SLC12A5: variants seen among roughly 807,000 people sequenced by gnomAD.
The protein encoded by SLC12A5 is solute carrier family 12 member 5.
Under a neutral mutation model 124.0 loss-of-function variants are expected in SLC12A5, and 18 were observed. The ratio of observed to expected loss-of-function variants is 0.15; its 90% CI spans 0.10 to 0.22. SLC12A5 has a LOEUF of 0.22. SLC12A5 is among the 10% of genes least tolerant of loss of function. The pLI, the probability that SLC12A5 is intolerant of heterozygous loss-of-function variation, is 1.00. For missense variants in SLC12A5, 867 were observed against 1,478.7 expected (o/e 0.59, Z 6.78); for synonymous variants, 589 against 568.0 (o/e 1.04, Z -0.53).
At chr20:46,021,820 C>T, upstream of SLC12A5, 5 of 1,534,666 alleles carry the variant, frequency 3.3e-6, no homozygotes, top group Non-Finnish European at 4.4e-6. Context: ...CGCCAGAAGC[C>T]CTGACCCAGA....
Position 46,049,685 on chromosome 20 carries a change from C to A in SLC12A5, c.2076C>A (p.Leu692=). Residue 692 remains leucine, a synonymous_variant, in exon 17 of 26, where the codon CTC becomes CTA. Coordinates refer to ENST00000243964, the MANE Select transcript of SLC12A5 (RefSeq NM_020708.5). ...QDQNVVHPQL[L]SLTSQLKAGK... is the part of the protein sequence containing the mutation. ...AGAATGTGGTGCACCCCCAGCTGCT[C>A]TCACTGACCTCCCAGCTGAAGGCGG... 6.2e-7 allele frequency: 1 copy of A among 1,606,382 alleles called. No individual in the cohort carries two copies.
chr20:46,056,800 C>T lies in SLC12A5; in HGVS notation c.3111-97C>T, dbSNP rs1600607425. On this transcript the variant is annotated intron_variant, in intron 23 of 25. Coordinates refer to ENST00000243964, the MANE Select transcript of SLC12A5 (RefSeq NM_020708.5). The surrounding 1 kb of genome is among the most constrained non-coding windows in gnomAD (Gnocchi z 4.3). ...GTGTGGGGGCTGGCAGAGCAGGACTCAGGGCAGATGACCATGGCCCAAGCC... is the reference window on the plus strand; with the variant it reads ...GTGTGGGGGCTGGCAGAGCAGGACTTAGGGCAGATGACCATGGCCCAAGCC... The T allele has an allele frequency of 7.4e-7, 1 of 1,360,406 alleles. No individual in the cohort carries two copies. Among genetic ancestry groups the T allele is most frequent in the East Asian group, 2.3e-5 (1 of 43,730 alleles). 84.3% of individuals were successfully genotyped at this position (1,360,406 alleles called of 1,614,324 possible).
At chr20:46,052,129 A>C (rs1002858433) in intron 18 of SLC12A5, among the ~76,000 whole-genome samples, 1 of 152,234 alleles carries the variant, frequency 6.6e-6, no homozygotes, top group African/African-American at 2.4e-5. Flanking sequence ...AGTGCAGGGC[A>C]GTGGGAAGAG....
At position 46,049,578 on chromosome 20, in the gene SLC12A5, TG is replaced by T. The variant is rs753798758; in HGVS notation, c.2013-42del. The T allele has an allele frequency of 3.2e-6, 5 of 1,567,134 alleles. No homozygotes were observed. The Admixed American group carries it at 9.4e-5, about 29-fold the overall frequency. On this transcript the variant is annotated intron_variant, in intron 16 of 25. Coordinates refer to ENST00000243964, the MANE Select transcript of SLC12A5 (RefSeq NM_020708.5). Reference sequence around the variant, plus strand: ...GGTGGGTGTATGGTGTGTGGATGGTTGGTTACATGGTATATGGATTATGTGA... The same window carrying T: ...GGTGGGTGTATGGTGTGTGGATGGTTGTTACATGGTATATGGATTATGTGA...
intron 17 of SLC12A5, among the ~76,000 whole-genome samples, chr20:46,051,176 G>T (rs1336036799): frequency 2.0e-5 from 3 of 152,152 alleles, no homozygotes; most frequent in Non-Finnish European, 4.4e-5. Context: ...TATAAAATGG[G>T]AGTAATAAGA....
intron 18 of SLC12A5, 113 bp downstream of exon 18, chr20:46,051,983 A>G (rs2084650976): frequency 5.3e-6 from 5 of 935,340 alleles, no homozygotes; most frequent in Middle Eastern, 3.4e-4. Context: ...ACTGCGTGCC[A>G]AGTGTGGATT....
At chr20:46,022,984 G>GAGGAGGAGGAGA (rs1568852769) in exon 2 of SLC12A5, 1 of 385,912 alleles carries the variant, frequency 2.6e-6, no homozygotes, top group African/African-American at 2.3e-5. Flanking sequence ...GGAAGAGGAG[G>GAGGAGGAGGAGA]AGGAGGAAGA....
chr20:46,036,219 A>C (rs2084497335), intron 4 of SLC12A5: 2 of 337,514 alleles, frequency 5.9e-6, no homozygotes, highest in Non-Finnish European at 1.1e-5. Context: ...ATAATCTTAC[A>C]ATAGTTAACA....
chr20:46,036,280 T>C (rs1342704283), intron 4 of SLC12A5: 2 of 261,844 alleles, frequency 7.6e-6, no homozygotes, highest in Non-Finnish European at 7.3e-6. Flanking sequence ...ACAAACAGCA[T>C]TGTAACCAAA....
At chr20:46,047,680 A>T (rs1160988825) in intron 15 of SLC12A5, 107 bp downstream of exon 15, 3 of 1,399,296 alleles carry the variant, frequency 2.1e-6, no homozygotes, top group African/African-American at 2.8e-5. Context: ...GAGATGAAGC[A>T]GGGAGTGGGA....
chr20:46,034,818 G>T (rs2084482704), intron 1 of SLC12A5, 130 bp from the exon 2 acceptor site: 1 of 774,894 alleles, frequency 1.3e-6, no homozygotes, highest in Non-Finnish European at 2.3e-6. Flanking sequence ...TGCAAGGAAG[G>T]TGGTATTAGC....
chr20:46,056,983 G>A lies in SLC12A5; in HGVS notation c.3125+72G>A. ...GTCCCTACCCTCCTCACTCTGTTGT[G>A]AACCCCTAATTGGTGCCACGACCTC... is the stretch of plus-strand genomic sequence containing the variant. On this transcript the variant is annotated intron_variant, in intron 24 of 25. Transcript: ENST00000243964. This position sits in a 1 kb window ranked among gnomAD's most constrained non-coding sequence, Gnocchi z 4.3. The A allele has an allele frequency of 3.1e-6, 5 of 1,609,454 alleles. No individual in the cohort carries two copies. Among genetic ancestry groups the A allele is most frequent in the Non-Finnish European group, 4.3e-6 (5 of 1,176,076 alleles).
rs1259612473 is a variant in SLC12A5 at position 46,046,121 on chromosome 20, T to C, written c.1688+125T>C. On this transcript the variant is annotated intron_variant, in intron 13 of 25. Transcript: ENST00000243964. ...ACCCCAGGAAGTTCCCCATTGGTCATAGAAGCCCATCGTTTGTTATAGAGA... is the reference window on the plus strand; with the variant it reads ...ACCCCAGGAAGTTCCCCATTGGTCACAGAAGCCCATCGTTTGTTATAGAGA... 1.4e-5 allele frequency: 13 copies of C among 913,964 alleles called. 1 individual carries two copies. The highest frequency in any genetic ancestry group is 3.0e-5 in the South Asian group (2 of 67,586). The allele number at this position is 913,964 out of a possible 1,614,324, so 56.6% of individuals were successfully genotyped here. A position where few individuals can be genotyped will look rare whatever the true frequency, so the allele number is the denominator to read the frequency against.
In SLC12A5 at chr20:46,041,449, C is replaced by T. The variant is rs2084546440; in HGVS notation, c.975C>T (p.Arg325=). 2 of 1,614,176 alleles carry T rather than the reference C, an allele frequency of 1.2e-6. No homozygotes were observed. The highest frequency in any genetic ancestry group is 1.7e-6 in the Non-Finnish European group (2 of 1,180,024). ...TATGGGGCCTTTTCTGCTCCTCTCGCTTCCTCAACGCCACCTGTGATGAAT... is the reference window on the plus strand; with the variant it reads ...TATGGGGCCTTTTCTGCTCCTCTCGTTTCCTCAACGCCACCTGTGATGAAT... ...TRLWGLFCSS[R]FLNATCDEYF... The change falls in exon 8 of 26, where the codon CGC becomes CGT. Residue 325 remains arginine (R), a synonymous_variant. Transcript: ENST00000243964.
At chr20:46,044,016 T>A in intron 11 of SLC12A5, 83 bp downstream of exon 11, 2 of 1,387,792 alleles carry the variant, frequency 1.4e-6, no homozygotes, top group Non-Finnish European at 1.9e-6. Flanking sequence ...CATCAGGAGG[T>A]GCTGGGACCT....
rs1555865828 is a variant in SLC12A5 at position 46,048,028 on chromosome 20, C to T, written c.1955C>T (p.Ala652Val). Residue 652 changes from alanine to valine, a missense_variant, in exon 16 of 26, where the codon GCG (alanine) becomes GTG (valine). Ala to Val is a moderately conservative substitution (Grantham distance 64, BLOSUM62 0). Around this residue, in one of 9 missense-constraint regions of SLC12A5, gnomAD observed 152 missense variants for 358.7 expected, o/e 0.42. Transcript: ENST00000243964. ...GDGIRGLSLS[A>V]ARYALLRLEE... ...GGGATACGAGGTCTGTCTCTCAGTG[C>T]GGCTCGCTATGCCCTCTTACGCCTG... 8.7e-6 allele frequency: 14 copies of T among 1,612,956 alleles called. No individual in the cohort carries two copies. Among genetic ancestry groups the T allele is most frequent in the Non-Finnish European group, 1.1e-5 (13 of 1,179,554 alleles).
chr20:46,023,594 C>T (rs2084373705), downstream of SLC12A5: 4 of 397,156 alleles, frequency 1.0e-5, no homozygotes, highest in Admixed American at 4.4e-5. Flanking sequence ...CTGTCATTCT[C>T]TTTCCTCATT....
rs1244705613 is a variant in SLC12A5, at chr20:46,051,797, C to T, written c.2304C>T (p.His768=). 1 of 1,599,894 alleles carries T rather than the reference C, an allele frequency of 6.3e-7. No homozygotes were observed. The highest frequency in any genetic ancestry group is 8.5e-7 in the Non-Finnish European group (1 of 1,173,986). ...IQSGGLGGLQ[H]NTVLVGWPRN... is the part of the protein sequence containing the mutation. The stretch of plus-strand genomic sequence containing the variant: ...CCGGGGGCCTCGGGGGGCTGCAGCA[C>T]AACACTGTGCTTGTTGGCTGGCCCC... The change falls in exon 18 of 26, where the codon CAC becomes CAT. Residue 768 remains histidine, a synonymous_variant. Transcript: ENST00000243964.
chr20:46,037,472 A>T, intron 6 of SLC12A5, 87 bp downstream of exon 6: 1 of 1,396,568 alleles, frequency 7.2e-7, no homozygotes, highest in Non-Finnish European at 9.4e-7. Context: ...AGGCCAGGCC[A>T]TTCAGTGAGG....
Sources: gnomAD v4.1 joint callset for allele counts (sites outside exome capture counted in the v4.1 genomes callset) on GRCh38, gnomAD v4.1.1 for gene constraint, gnomAD v4.1.1 regional missense constraint, Gnocchi (gnomAD v3.1) non-coding constraint, MANE v1.5 for transcripts, NCBI Gene and HGNC (gene_info 2026-07-23, HGNC 2026-07-21) for gene names.